DGKH: variants seen among roughly 807,000 people sequenced by gnomAD.
The protein encoded by DGKH is DAG kinase eta.
A neutral mutation model predicts 159.3 loss-of-function variants in DGKH; 90 were observed. The ratio of observed to expected loss-of-function variants is 0.57; its 90% confidence interval spans 0.48 to 0.67. The LOEUF (loss-of-function observed/expected upper bound fraction) is 0.67, where lower values mean the gene tolerates loss of function less well. Ranked by LOEUF, DGKH falls within the 30% of genes least tolerant of loss-of-function variation. The probability of loss-of-function intolerance (pLI) is 0.00; values close to 1 mark genes in which losing one functional copy is unlikely to be tolerated. For synonymous variants in DGKH, 536 were observed against 553.8 expected (o/e 0.97, Z 0.45); for missense variants, 1,181 against 1,506.1 (o/e 0.78, Z 3.57).
At chr13:42,184,293 C>T (rs1222414899) in intron 13 of DGKH, among the ~76,000 whole-genome samples, 1 of 152,228 alleles carries the variant, frequency 6.6e-6, no homozygotes, top group Non-Finnish European at 1.5e-5. Flanking sequence ...GTACCATTGC[C>T]ATATTTATCT....
intron 15 of DGKH, 31 bp from the exon 16 acceptor site, chr13:42,190,372 T>A (rs1283897118): frequency 6.3e-7 from 1 of 1,594,576 alleles, no homozygotes; most frequent in Non-Finnish European, 8.5e-7. Context: ...TTTTCACTTA[T>A]CCAAACTATT....
intron 1 of DGKH, among the ~76,000 whole-genome samples, chr13:42,071,568 C>T (rs568145523): frequency 6.6e-6 from 1 of 152,346 alleles, no homozygotes; most frequent in East Asian, 1.9e-4. Context: ...CTGGTAAGCA[C>T]TATTTGCGTT....
At chr13:42,178,513 T>G (rs1453674719) in intron 13 of DGKH, among the ~76,000 whole-genome samples, 2 of 152,334 alleles carry the variant, frequency 1.3e-5, no homozygotes, top group East Asian at 3.8e-4. Flanking sequence ...AGGAAATGTT[T>G]ATGATTACTT....
At chr13:42,141,615 CATT>C (rs1177528207) in intron 3 of DGKH, among the ~76,000 whole-genome samples, 1 of 152,178 alleles carries the variant, frequency 6.6e-6, no homozygotes, top group Non-Finnish European at 1.5e-5. Context: ...GATGGTATCT[CATT>C]GTGGTTTTGA....
chr13:42,069,934 G>A, intron 1 of DGKH: 3 of 723,894 alleles, frequency 4.1e-6, no homozygotes, highest in Non-Finnish European at 4.9e-6. Flanking sequence ...AGTGACATCA[G>A]ACAGAGCTCT....
intron 7 of DGKH, among the ~76,000 whole-genome samples, chr13:42,161,736 T>C (rs9594688): frequency 0.24 from 35,394 of 149,492 alleles, 4,380 homozygotes; most frequent in Middle Eastern, 0.3. Context: ...GCTGAGATCG[T>C]GCCACTGCAC....
intron 29 of DGKH, among the ~76,000 whole-genome samples, chr13:42,251,270 G>A (rs1403731144): frequency 1.3e-5 from 2 of 152,120 alleles, no homozygotes; most frequent in African/African-American, 4.8e-5. Context: ...GAGCCCAGGA[G>A]TTCAAGACCA....
intron 1 of DGKH, among the ~76,000 whole-genome samples, chr13:42,111,088 A>G (rs1399502137): frequency 6.6e-6 from 1 of 152,228 alleles, no homozygotes; most frequent in Non-Finnish European, 1.5e-5. Flanking sequence ...ATACATTCAG[A>G]AACTGCTCTA....
At chr13:42,181,156 A>G (rs1956747507) in intron 13 of DGKH, among the ~76,000 whole-genome samples, 2 of 151,586 alleles carry the variant, frequency 1.3e-5, no homozygotes, top group Admixed American at 1.3e-4. Flanking sequence ...GGGCGCCTGT[A>G]GTCCTAGCTA....
intron 1 of DGKH, among the ~76,000 whole-genome samples, chr13:42,075,124 C>T (rs528060822): frequency 9.0e-4 from 137 of 152,268 alleles, no homozygotes; most frequent in African/African-American, 3.1e-3. Flanking sequence ...ACAGATTAAA[C>T]GAGATAACTG....
chr13:42,125,985 T>C (rs1372661009), intron 1 of DGKH, among the ~76,000 whole-genome samples: 2 of 152,062 alleles, frequency 1.3e-5, no homozygotes, highest in Admixed American at 1.3e-4. Flanking sequence ...TGTAACTCTT[T>C]ATTGAATGCT....
chr13:42,122,266 C>A (rs758513910), intron 1 of DGKH, among the ~76,000 whole-genome samples: 3 of 152,094 alleles, frequency 2.0e-5, no homozygotes, highest in Non-Finnish European at 4.4e-5. Flanking sequence ...TTTCTTAGTT[C>A]ATTTTTCTTG....
chr13:42,189,130 T>C lies in DGKH; in HGVS notation c.1733T>C (p.Ile578Thr), dbSNP rs753038116. 4 of 1,614,232 alleles carry C rather than the reference T, an allele frequency of 2.5e-6. No individual in the cohort carries two copies. The highest frequency in any genetic ancestry group is 1.1e-5 in the South Asian group (1 of 91,086). ...APVLPGLSPLIVEEDAVESSS... is the reference protein window; with the variant it reads ...APVLPGLSPLTVEEDAVESSS... Reference sequence around the variant, plus strand: ...GTTCTCCCTGGCCTCAGCCCTCTCATTGTGGAAGAAGATGCTGTGGAATCG... The same window carrying C: ...GTTCTCCCTGGCCTCAGCCCTCTCACTGTGGAAGAAGATGCTGTGGAATCG... Residue 578 changes from isoleucine to threonine, a missense_variant, in exon 15 of 30, where the codon ATT becomes ACT. Around this residue, in one of 5 missense-constraint regions of DGKH, gnomAD observed 257 missense variants for 281.5 expected, o/e 0.91. Transcript: ENST00000337343.
rs1044007984 is a variant in DGKH, at chr13:42,241,545, G to A, written c.*12357G>A. 6.6e-6 allele frequency: 1 copy of A among 152,194 alleles called. No homozygotes were observed. The highest frequency in any genetic ancestry group is 1.5e-5 in the Non-Finnish European group (1 of 68,046). 9.4% of individuals were successfully genotyped at this position (152,194 alleles called of 1,614,324 possible). A position where few individuals can be genotyped will look rare whatever the true frequency, so the allele number is the denominator to read the frequency against. ...GATCCCAGTGACTGATAGATCTGTAGAATGTGAACTCACATTTAAAGTTTA... is the reference window on the plus strand; with the variant it reads ...GATCCCAGTGACTGATAGATCTGTAAAATGTGAACTCACATTTAAAGTTTA... On this transcript the variant is annotated 3_prime_UTR_variant, in exon 30 of 30. Transcript: ENST00000337343.
At chr13:42,197,997 A>T (rs35164787) in intron 17 of DGKH, among the ~76,000 whole-genome samples, 32,010 of 151,968 alleles carry the variant, frequency 0.21, 4,207 homozygotes, top group East Asian at 0.41. Flanking sequence ...TTTACTGCTT[A>T]TTCTTAAAAT....
chr13:42,196,252 A>G (rs1289253516), intron 17 of DGKH, among the ~76,000 whole-genome samples: 1 of 152,202 alleles, frequency 6.6e-6, no homozygotes, highest in East Asian at 1.9e-4. Flanking sequence ...AGTTCCCCAA[A>G]AAGTTAAACA....
intron 10 of DGKH, 58 bp from the exon 11 acceptor site, chr13:42,168,621 T>C (rs1225177167): frequency 6.2e-7 from 1 of 1,613,626 alleles, no homozygotes; most frequent in Non-Finnish European, 8.5e-7. Context: ...GGTGCAGAAA[T>C]GCAGTAGTCC....
chr13:42,080,053 G>A (rs9532991), intron 1 of DGKH, among the ~76,000 whole-genome samples: 65,229 of 151,946 alleles, frequency 0.43, 14,335 homozygotes, highest in Non-Finnish European at 0.49. Flanking sequence ...TTGCTTTTTC[G>A]ATCAGGATAA....
chr13:42,156,298 A>G (rs1414514716), intron 5 of DGKH, among the ~76,000 whole-genome samples: 5 of 152,158 alleles, frequency 3.3e-5, no homozygotes, highest in African/African-American at 1.2e-4. Flanking sequence ...CCTGGAATGC[A>G]GTGGCATGAT....
Sources: gnomAD v4.1 joint callset for allele counts (sites outside exome capture counted in the v4.1 genomes callset) on GRCh38, gnomAD v4.1.1 for gene constraint, gnomAD v4.1.1 regional missense constraint, MANE v1.5 for transcripts, NCBI Gene and HGNC (gene_info 2026-07-23, HGNC 2026-07-21) for gene names.